RAB6B: variants seen among roughly 807,000 people sequenced by gnomAD.
The protein encoded by RAB6B is RAB6B, member RAS oncogene family.
A neutral mutation model predicts 31.2 loss-of-function variants in RAB6B; 7 were observed. The ratio of observed to expected loss-of-function variants is 0.22; its 90% CI spans 0.13 to 0.42. RAB6B has a LOEUF of 0.42. Ranked by LOEUF, RAB6B falls within the 10% of genes least tolerant of loss-of-function variation. The pLI is 1.00. For missense variants in RAB6B, 149 were observed against 280.6 expected (o/e 0.53, Z 3.35); for synonymous variants, 105 against 104.9 (o/e 1.00, Z -0.01).
Position 133,828,060 on chromosome 3 carries a change from C to T in RAB6B, c.*728G>A, listed in dbSNP as rs1057071238. ...AACACAAGGTTGCCTGTACCCTCAA[C>T]CCCCTTCAAGGCTTTTCAGGGAAAG... On this transcript the variant is annotated 3_prime_UTR_variant, in exon 8 of 8. Coordinates refer to ENST00000285208, the MANE Select transcript of RAB6B (RefSeq NM_016577.4). The T allele has an allele frequency of 1.6e-5, 11 of 695,026 alleles. No individual in the cohort carries two copies. Among genetic ancestry groups the T allele is most frequent in the Admixed American group, 6.0e-5 (3 of 49,724 alleles). 43.1% of individuals were successfully genotyped at this position (695,026 alleles called of 1,614,324 possible).
chr3:133,870,296 G>A lies in RAB6B; in HGVS notation c.71-5654C>T, dbSNP rs1158249647. Among the ~76,000 whole-genome samples the A allele has an allele frequency of 2.0e-5, 3 of 152,268 alleles. No individual in the cohort carries two copies. The East Asian group carries it at 5.8e-4, about 29-fold the overall frequency. ...ATGAGACCTCACTATCACGAGAAGAGCATGGGGGAAACCGCCCCCATGATC... is the reference window on the plus strand; with the variant it reads ...ATGAGACCTCACTATCACGAGAAGAACATGGGGGAAACCGCCCCCATGATC... On this transcript the variant is annotated intron_variant, in intron 1 of 7. Coordinates refer to ENST00000285208, the MANE Select transcript of RAB6B (RefSeq NM_016577.4).
intron 1 of RAB6B, among the ~76,000 whole-genome samples, chr3:133,874,257 G>GCAT (rs1220153645): frequency 6.6e-6 from 1 of 152,184 alleles, no homozygotes; most frequent in Non-Finnish European, 1.5e-5. Flanking sequence ...TCTGAGCAAC[G>GCAT]CATCATTAGG....
In RAB6B at chr3:133,895,788, G is replaced by A. The variant is rs775856245; in HGVS notation, c.-322C>T. The A allele has an allele frequency of 1.2e-4, 42 of 342,130 alleles. No homozygotes were observed. Among genetic ancestry groups the A allele is most frequent in the Middle Eastern group, 7.8e-4 (1 of 1,288 alleles). The allele number at this position is 342,130 out of a possible 1,614,324, so 21.2% of individuals were successfully genotyped here. A position where few individuals can be genotyped will look rare whatever the true frequency, so the allele number is the denominator to read the frequency against. On this transcript the variant is annotated 5_prime_UTR_variant, in exon 1 of 8. Transcript: ENST00000285208. ...GGGAGAGAGGCGCGGGCGGAGCGGG[G>A]CGCAGGGACGGCGCGCGGGGCGGAG...
At chr3:133,835,388 T>C (rs916351065) in intron 6 of RAB6B, among the ~76,000 whole-genome samples, 4 of 151,874 alleles carry the variant, frequency 2.6e-5, no homozygotes, top group Admixed American at 1.3e-4. Context: ...GGCATCTTTA[T>C]GTGTGTGTTT....
intron 1 of RAB6B, among the ~76,000 whole-genome samples, chr3:133,871,599 C>G (rs1171982552): frequency 6.6e-6 from 1 of 152,218 alleles, no homozygotes. Context: ...AGTAAGTCCC[C>G]AGACTCCTCC....
chr3:133,855,223 G>A (rs1936056750), intron 2 of RAB6B, among the ~76,000 whole-genome samples: 1 of 152,268 alleles, frequency 6.6e-6, no homozygotes, highest in Non-Finnish European at 1.5e-5. Context: ...TGGGTGCTTT[G>A]GAGAGATGAG....
In RAB6B at chr3:133,827,991, CCTT is replaced by C. The variant is rs1372946161; in HGVS notation, c.*794_*796del. The C allele has an allele frequency of 2.8e-6, 2 of 702,932 alleles. No homozygotes were observed. The highest frequency in any genetic ancestry group is 4.0e-5 in the Admixed American group (2 of 50,016). The allele number at this position is 702,932 out of a possible 1,614,324, so 43.5% of individuals were successfully genotyped here. A position where few individuals can be genotyped will look rare whatever the true frequency, so the allele number is the denominator to read the frequency against. ...GCTGCAATTGCCAACAGCACCTCGT[CCTT>C]CTGATGGCCTCTTGCTCTGCCAGTC... On this transcript the variant is annotated 3_prime_UTR_variant, in exon 8 of 8. Coordinates refer to ENST00000285208, the MANE Select transcript of RAB6B (RefSeq NM_016577.4).
intron 1 of RAB6B, among the ~76,000 whole-genome samples, chr3:133,889,388 T>TTATATATATATATATA (rs5852771): frequency 7.5e-5 from 6 of 80,274 alleles, no homozygotes; most frequent in Admixed American, 1.4e-4. Flanking sequence ...GGTTATTTTG[T>TTATATATATATATATA]TATATATATA....
At chr3:133,838,967 T>C (rs138916752) in intron 5 of RAB6B, among the ~76,000 whole-genome samples, 1 of 152,216 alleles carries the variant, frequency 6.6e-6, no homozygotes, top group Non-Finnish European at 1.5e-5. Context: ...TCCCTGTGCA[T>C]GGAGGGCAGC....
intron 2 of RAB6B, among the ~76,000 whole-genome samples, chr3:133,857,415 C>A (rs558101973): frequency 1.8e-4 from 22 of 125,366 alleles, no homozygotes; most frequent in Non-Finnish European, 3.4e-4. Flanking sequence ...ACCTAGGCCT[C>A]TTTTTGAAGG....
intron 2 of RAB6B, among the ~76,000 whole-genome samples, chr3:133,850,624 T>C (rs1444999312): frequency 6.6e-6 from 1 of 151,610 alleles, no homozygotes; most frequent in African/African-American, 2.4e-5. Context: ...AAAGGAAGCA[T>C]AAAGAGAAAA....
intron 2 of RAB6B, among the ~76,000 whole-genome samples, chr3:133,843,514 G>C (rs1935866680): frequency 6.6e-6 from 1 of 152,188 alleles, no homozygotes; most frequent in Non-Finnish European, 1.5e-5. Context: ...TGCTCAACAG[G>C]CTCCCCAGGA....
At chr3:133,841,170 ATGCGTG>A in intron 4 of RAB6B, 109 bp downstream of exon 4, 5 of 687,294 alleles carry the variant, frequency 7.3e-6, no homozygotes, top group South Asian at 1.8e-5. Flanking sequence ...TCGCACACAC[ATGCGTG>A]TGCACACACA....
chr3:133,850,046 G>A (rs977916920), intron 2 of RAB6B, among the ~76,000 whole-genome samples: 74 of 151,694 alleles, frequency 4.9e-4, no homozygotes, highest in African/African-American at 1.7e-3. Context: ...CATAGATACA[G>A]AGAGGTGACC....
intron 1 of RAB6B, among the ~76,000 whole-genome samples, chr3:133,888,145 T>C (rs1381722728): frequency 6.6e-6 from 1 of 152,238 alleles, no homozygotes; most frequent in Non-Finnish European, 1.5e-5. Flanking sequence ...AAGCTGCCTT[T>C]GAGGCAAGAG....
chr3:133,889,843 C>T (rs998297644), intron 1 of RAB6B, among the ~76,000 whole-genome samples: 2 of 152,174 alleles, frequency 1.3e-5, no homozygotes, highest in Non-Finnish European at 2.9e-5. Context: ...ATTACATCTA[C>T]GCAGCCAGAA....
At chr3:133,859,872 ATATT>A (rs1195530859) in intron 2 of RAB6B, among the ~76,000 whole-genome samples, 5 of 152,210 alleles carry the variant, frequency 3.3e-5, no homozygotes, top group Admixed American at 3.3e-4. Flanking sequence ...GGAAACACTC[ATATT>A]TATTTCATTA....
chr3:133,841,811 C>T, intron 2 of RAB6B, 148 bp from the exon 3 acceptor site: 2 of 701,646 alleles, frequency 2.9e-6, no homozygotes, highest in Non-Finnish European at 4.8e-6. Context: ...CCTGCCCCTC[C>T]CTGCTACCAC....
At chr3:133,838,305 A>T in intron 5 of RAB6B, 46 bp from the exon 6 acceptor site, 1 of 1,564,570 alleles carries the variant, frequency 6.4e-7, no homozygotes, top group Non-Finnish European at 8.8e-7. Flanking sequence ...AGAGAAGCAG[A>T]CCCTGGCAGA....
Sources: gnomAD v4.1 joint callset for allele counts (sites outside exome capture counted in the v4.1 genomes callset) on GRCh38, gnomAD v4.1.1 for gene constraint, MANE v1.5 for transcripts, NCBI Gene and HGNC (gene_info 2026-07-23, HGNC 2026-07-21) for gene names.